The following LRIT3 variants were observed in gnomAD, a reference collection of about 807,000 sequenced individuals.
LRIT3 encodes the protein leucine rich repeat, Ig-like and transmembrane domains 3.
LRIT3 carries 14 observed loss-of-function variants against 22.6 expected under a neutral mutation model. That is an observed-to-expected ratio of 0.62 (90% CI 0.41 to 0.97). The LOEUF (loss-of-function observed/expected upper bound fraction) is 0.97, where lower values mean the gene tolerates loss of function less well. Ranked by LOEUF, LRIT3 falls within the 50% of genes least tolerant of loss-of-function variation. The probability of loss-of-function intolerance (pLI) is 0.00; values close to 1 mark genes in which losing one functional copy is unlikely to be tolerated. For missense variants in LRIT3, 783 were observed against 803.0 expected (o/e 0.98, Z 0.30); for synonymous variants, 306 against 304.5 (o/e 1.01, Z -0.05).
intron 2 of LRIT3, chr4:109,865,283 T>G: frequency 6.3e-7 from 1 of 1,596,094 alleles, no homozygotes; most frequent in Non-Finnish European, 8.6e-7. Flanking sequence ...TTGGTGAGAA[T>G]GTCATTTCCT....
Position 109,870,316 on chromosome 4 carries a change from G to T in LRIT3, c.1567G>T (p.Gly523Cys). Residue 523 changes from glycine to cysteine, a missense_variant, in exon 4 of 4, where the codon GGT (glycine) becomes TGT (cysteine). Around this residue, in one of 2 missense-constraint regions of LRIT3, gnomAD observed 756 missense variants for 753.8 expected, o/e 1.00. Coordinates refer to ENST00000594814, the MANE Select transcript of LRIT3 (RefSeq NM_198506.5). ...SAVTVLYSKY[G>C]GKDLLLLNAD... ...AGTGACTGTGTTGTATTCCAAGTAT[G>T]GTGGGAAGGACCTGCTGCTGTTGAA... The T allele has an allele frequency of 6.2e-7, 1 of 1,614,176 alleles. No individual in the cohort carries two copies. Among genetic ancestry groups the T allele is most frequent in the Non-Finnish European group, 8.5e-7 (1 of 1,180,024 alleles).
chr4:109,858,393 T>C (rs1033165829), intron 2 of LRIT3, among the ~76,000 whole-genome samples: 2 of 152,050 alleles, frequency 1.3e-5, no homozygotes, highest in South Asian at 4.2e-4. Flanking sequence ...TTTTTGACAA[T>C]TGGATGTGTT....
chr4:109,850,418 C>CTTTCTTTCTTTCTTTCTTTCTTTCTTT (rs1491056843), intron 1 of LRIT3, among the ~76,000 whole-genome samples: 376 of 28,224 alleles, frequency 0.013, 69 homozygotes, highest in East Asian at 0.03. Flanking sequence ...TTCCTTCCTT[C>CTTTCTTTCTTTCTTTCTTTCTTTCTTT]CTTCCTTTCT....
At chr4:109,856,489 C>T (rs1394745228) in intron 2 of LRIT3, among the ~76,000 whole-genome samples, 1 of 152,128 alleles carries the variant, frequency 6.6e-6, no homozygotes, top group Non-Finnish European at 1.5e-5. Flanking sequence ...CTCAGAGATA[C>T]CATCTAAAAC....
chr4:109,861,637 A>G (rs1213999814), intron 2 of LRIT3, among the ~76,000 whole-genome samples: 2 of 152,006 alleles, frequency 1.3e-5, no homozygotes, highest in Non-Finnish European at 2.9e-5. Context: ...TTTATGAACT[A>G]TCTTTTGCTT....
At chr4:109,856,700 C>T (rs991017718) in intron 2 of LRIT3, among the ~76,000 whole-genome samples, 10 of 152,076 alleles carry the variant, frequency 6.6e-5, no homozygotes, top group African/African-American at 1.4e-4. Flanking sequence ...ATTTGTAATC[C>T]GTGTTCTAAA....
Position 109,871,094 on chromosome 4 carries a change from G to A in LRIT3, c.*305G>A, listed in dbSNP as rs1734823387. On this transcript the variant is annotated 3_prime_UTR_variant, in exon 4 of 4. Transcript: ENST00000594814. ...ATAAGTTCATGTGAAAGTAGCAAGT[G>A]AACTCTGTATTTAAAAATATAGTTT... 4.4e-6 allele frequency: 1 copy of A among 225,374 alleles called. No individual in the cohort carries two copies. The highest frequency in any genetic ancestry group is 1.7e-4 in the South Asian group (1 of 5,916). 14.0% of individuals were successfully genotyped at this position (225,374 alleles called of 1,614,324 possible).
intron 2 of LRIT3, among the ~76,000 whole-genome samples, chr4:109,867,260 C>T (rs964077653): frequency 1.3e-5 from 2 of 151,884 alleles, no homozygotes; most frequent in African/African-American, 4.8e-5. Context: ...TTATTGGGTC[C>T]CTCTGAGGCC....
rs372056098 is a variant in LRIT3 at position 109,859,437 on chromosome 4, A to G, written c.589+7461A>G. On this transcript the variant is annotated intron_variant, in intron 2 of 3. Transcript: ENST00000594814. ...TTTCTAACAGAGCCTTAAAACAGAA[A>G]CACAGTCTTTTCATAACCTATGATT... is the stretch of plus-strand genomic sequence containing the variant. Among the ~76,000 whole-genome samples the G allele has an allele frequency of 4.5e-4, 69 of 152,336 alleles. 2 individuals carry two copies. The East Asian group carries it at 8.1e-3, about 18-fold the overall frequency.
At chr4:109,852,875 G>T (rs11936595) in intron 2 of LRIT3, among the ~76,000 whole-genome samples, 4,585 of 152,200 alleles carry the variant, frequency 0.03, 218 homozygotes, top group African/African-American at 0.1. Context: ...TGCTGAGAAT[G>T]ATGGTTTCCA....
intron 2 of LRIT3, 124 bp downstream of exon 2, chr4:109,852,100 T>G: frequency 1.2e-6 from 1 of 844,868 alleles, no homozygotes; most frequent in South Asian, 1.9e-5. Flanking sequence ...TTTACTGGAA[T>G]AGTACCTTAT....
rs1734796086 is a variant in LRIT3, at chr4:109,870,230, G to C, written c.1481G>C (p.Ser494Thr). Residue 494 changes from serine (S) to threonine (T), a missense_variant, in exon 4 of 4, where the codon AGT becomes ACT. By Grantham distance (58) the Ser-to-Thr change is moderately conservative. This residue lies in a region of LRIT3 where 756 missense variants were observed against 753.8 expected (regional missense o/e 1.00). Transcript: ENST00000594814. ...NAAIENLRVV[S>T]ETKESVTLTW... ...GCAATAGAAAACCTCAGGGTGGTCA[G>C]TGAGACTAAAGAGAGTGTGACATTG... is the stretch of plus-strand genomic sequence containing the variant. 3.7e-6 allele frequency: 6 copies of C among 1,614,226 alleles called. No individual in the cohort carries two copies. The highest frequency in any genetic ancestry group is 4.2e-6 in the Non-Finnish European group (5 of 1,180,032).
chr4:109,868,339 G>A (rs1734736803), intron 3 of LRIT3, among the ~76,000 whole-genome samples: 1 of 152,142 alleles, frequency 6.6e-6, no homozygotes, highest in Non-Finnish European at 1.5e-5. Context: ...GGGAGGCCGA[G>A]GTGGGTGGAT....
At chr4:109,865,020 AT>A in intron 2 of LRIT3, 1 of 1,370,638 alleles carries the variant, frequency 7.3e-7, no homozygotes, top group Non-Finnish European at 9.5e-7. Flanking sequence ...ATTCTATCAT[AT>A]TCTTCTGCTT....
chr4:109,870,241 G>A lies in LRIT3; in HGVS notation c.1492G>A (p.Glu498Lys), dbSNP rs1191297937. The A allele has an allele frequency of 5.6e-6, 9 of 1,614,238 alleles. No individual in the cohort carries two copies. The East Asian group carries it at 2.0e-4, about 36-fold the overall frequency. ...ENLRVVSETK[E>K]SVTLTWNMIN... ...CCTCAGGGTGGTCAGTGAGACTAAA[G>A]AGAGTGTGACATTGACGTGGAATAT... Residue 498 changes from glutamate to lysine, a missense_variant, in exon 4 of 4, where the codon GAG becomes AAG. Around this residue, in one of 2 missense-constraint regions of LRIT3, gnomAD observed 756 missense variants for 753.8 expected, o/e 1.00. Coordinates refer to ENST00000594814, the MANE Select transcript of LRIT3 (RefSeq NM_198506.5).
At position 109,870,189 on chromosome 4, in the gene LRIT3, T is replaced by C; in HGVS notation, c.1440T>C (p.Leu480=). 6.2e-7 allele frequency: 1 copy of C among 1,614,210 alleles called. No individual in the cohort carries two copies. The highest frequency in any genetic ancestry group is 8.5e-7 in the Non-Finnish European group (1 of 1,180,024). ...TGGCATTGTTGGATCAAACAATGCTTACGGAGACAAATGCCGCAATAGAAA... is the reference window on the plus strand; with the variant it reads ...TGGCATTGTTGGATCAAACAATGCTCACGGAGACAAATGCCGCAATAGAAA... The part of the protein sequence containing the change: ...EELALLDQTM[L]TETNAAIENL... Residue 480 remains leucine, a synonymous_variant, in exon 4 of 4, where the codon CTT becomes CTC. Transcript: ENST00000594814.
intron 1 of LRIT3, among the ~76,000 whole-genome samples, chr4:109,849,828 G>T (rs1734166398): frequency 6.6e-6 from 1 of 152,132 alleles, no homozygotes; most frequent in Non-Finnish European, 1.5e-5. Flanking sequence ...GGCCAGGCTG[G>T]TCTCAAACTC....
In LRIT3 at chr4:109,869,688, G is replaced by C; in HGVS notation, c.939G>C (p.Met313Ile). Residue 313 changes from methionine (M) to isoleucine (I), a missense_variant, in exon 4 of 4, where the codon ATG (methionine) becomes ATC (isoleucine). Transcript: ENST00000594814. The stretch of plus-strand genomic sequence containing the variant: ...AGGAAGGAGTCAGATGGTCCATAAT[G>C]AGCTTGACAGGCATTTCTTCCAAAG... ...SPEEGVRWSI[M>I]SLTGISSKDA... 1 of 1,591,136 alleles carries C rather than the reference G, an allele frequency of 6.3e-7. No individual in the cohort carries two copies. Among genetic ancestry groups the C allele is most frequent in the Non-Finnish European group, 8.6e-7 (1 of 1,168,306 alleles).
chr4:109,870,056 T>C lies in LRIT3; in HGVS notation c.1307T>C (p.Met436Thr), dbSNP rs371356043. 1.7e-4 allele frequency: 282 copies of C among 1,614,042 alleles called. No homozygotes were observed. Among genetic ancestry groups the C allele is most frequent in the Non-Finnish European group, 2.2e-4 (264 of 1,180,040 alleles). Residue 436 changes from methionine to threonine, a missense_variant, in exon 4 of 4, where the codon ATG becomes ACG. Coordinates refer to ENST00000594814, the MANE Select transcript of LRIT3 (RefSeq NM_198506.5). ...LSTSISASTT[M>T]ANKRSFQLHQ... ...ACAAGCATCTCAGCAAGTACCACCA[T>C]GGCCAACAAGCGATCATTCCAGCTC... is the stretch of plus-strand genomic sequence containing the variant.
Sources: gnomAD v4.1 joint callset for allele counts (sites outside exome capture counted in the v4.1 genomes callset) on GRCh38, gnomAD v4.1.1 for gene constraint, gnomAD v4.1.1 regional missense constraint, MANE v1.5 for transcripts, NCBI Gene and HGNC (gene_info 2026-07-23, HGNC 2026-07-21) for gene names.